MTHFD2L: variants seen among roughly 807,000 people sequenced by gnomAD.
MTHFD2L encodes methylenetetrahydrofolate dehydrogenase (NADP+ dependent) 2 like.
In MTHFD2L, 29 loss-of-function variants were observed where a neutral mutation model predicts 34.9. The observed-to-expected ratio is 0.83, with a 90% confidence interval of 0.62 to 1.13. The LOEUF (loss-of-function observed/expected upper bound fraction) is 1.13. Ranked by LOEUF, MTHFD2L falls within the 50% of genes most tolerant of loss-of-function variation. MTHFD2L has a pLI of 0.00. For synonymous variants in MTHFD2L, 167 were observed against 155.7 expected (o/e 1.07, Z -0.54); for missense variants, 481 against 446.5 (o/e 1.08, Z -0.70).
Position 74,216,614 on chromosome 4 carries a change from G to A in MTHFD2L, c.713-8688G>A, listed in dbSNP as rs536350247. ...CACTATGCACTTGAGAACTCCAGTTGCATGTCTAATACCCATCTCAATCTT... is the reference window on the plus strand; with the variant it reads ...CACTATGCACTTGAGAACTCCAGTTACATGTCTAATACCCATCTCAATCTT... On this transcript the variant is annotated intron_variant, in intron 5 of 7. Transcript: ENST00000325278. Among the ~76,000 whole-genome samples the A allele has an allele frequency of 2.8e-4, 43 of 151,762 alleles. No homozygotes were observed. The South Asian group carries it at 5.4e-3, about 19-fold the overall frequency.
intron 1 of MTHFD2L, among the ~76,000 whole-genome samples, chr4:74,127,467 T>C (rs1038359971): frequency 5.9e-5 from 9 of 152,180 alleles, no homozygotes; most frequent in African/African-American, 1.9e-4. Flanking sequence ...TATCTACTTT[T>C]GTGTCTCCCA....
intron 5 of MTHFD2L, among the ~76,000 whole-genome samples, chr4:74,210,602 G>T (rs183035988): frequency 2.6e-5 from 4 of 152,262 alleles, no homozygotes; most frequent in Admixed American, 2.0e-4. Flanking sequence ...TGGCCTTGTA[G>T]TATAGTTTGA....
At chr4:74,196,131 A>G (rs1733426436) in intron 3 of MTHFD2L, among the ~76,000 whole-genome samples, 1 of 152,214 alleles carries the variant, frequency 6.6e-6, no homozygotes, top group South Asian at 2.1e-4. Flanking sequence ...AGATAATTAA[A>G]CAACTAATAT....
At chr4:74,146,040 T>C (rs1459540918) in intron 1 of MTHFD2L, among the ~76,000 whole-genome samples, 1 of 152,110 alleles carries the variant, frequency 6.6e-6, no homozygotes, top group African/African-American at 2.4e-5. Flanking sequence ...CACAAACCCA[T>C]TGAAAAAGAC....
intron 7 of MTHFD2L, among the ~76,000 whole-genome samples, chr4:74,290,535 A>G (rs1412236332): frequency 6.6e-6 from 1 of 152,154 alleles, no homozygotes; most frequent in Non-Finnish European, 1.5e-5. Context: ...AGATTGTGAT[A>G]ATAATTTCCA....
chr4:74,167,115 C>A (rs1726883493), intron 1 of MTHFD2L, among the ~76,000 whole-genome samples: 1 of 152,208 alleles, frequency 6.6e-6, no homozygotes, highest in East Asian at 1.9e-4. Context: ...ACCCAGTTGA[C>A]AGCCCACCCC....
chr4:74,147,426 T>C (rs978139900), intron 1 of MTHFD2L, among the ~76,000 whole-genome samples: 3 of 152,182 alleles, frequency 2.0e-5, no homozygotes, highest in African/African-American at 7.2e-5. Context: ...GTGAAGAATC[T>C]TCTACAGCTT....
chr4:74,220,668 T>G (rs1244347565), intron 5 of MTHFD2L, among the ~76,000 whole-genome samples: 2 of 151,830 alleles, frequency 1.3e-5, no homozygotes, highest in African/African-American at 4.8e-5. Flanking sequence ...ATGCTTATTT[T>G]AAGTATTTTA....
At chr4:74,266,607 A>T (rs1390402150) in intron 6 of MTHFD2L, among the ~76,000 whole-genome samples, 1 of 152,144 alleles carries the variant, frequency 6.6e-6, no homozygotes, top group Non-Finnish European at 1.5e-5. Context: ...GGAACCTCTG[A>T]AGTCTAAGCT....
At chr4:74,121,027 A>G (rs1050028158), upstream of MTHFD2L, among the ~76,000 whole-genome samples, 1 of 152,242 alleles carries the variant, frequency 6.6e-6, no homozygotes, top group African/African-American at 2.4e-5. Context: ...TGGGGGCAAC[A>G]AGTGAACAGT....
intron 1 of MTHFD2L, among the ~76,000 whole-genome samples, chr4:74,167,262 C>T (rs1429041901): frequency 6.6e-6 from 1 of 152,192 alleles, no homozygotes; most frequent in African/African-American, 2.4e-5. Flanking sequence ...GATGGCCCAT[C>T]AAGAATCTCT....
intron 6 of MTHFD2L, among the ~76,000 whole-genome samples, chr4:74,231,945 G>A (rs1740131946): frequency 6.6e-6 from 1 of 152,132 alleles, no homozygotes; most frequent in Non-Finnish European, 1.5e-5. Context: ...GTGTAATCAA[G>A]CTAGCCAATC....
intron 6 of MTHFD2L, among the ~76,000 whole-genome samples, chr4:74,255,302 A>G (rs1743888868): frequency 6.6e-6 from 1 of 152,114 alleles, no homozygotes; most frequent in Non-Finnish European, 1.5e-5. Context: ...TACAGTTGTA[A>G]CTGTAAGATA....
intron 6 of MTHFD2L, among the ~76,000 whole-genome samples, chr4:74,256,311 A>G (rs1315385955): frequency 6.6e-6 from 1 of 151,776 alleles, no homozygotes; most frequent in Non-Finnish European, 1.5e-5. Context: ...GGGTTTCATC[A>G]TGTTGGCCAG....
At chr4:74,148,579 G>A (rs1022713179) in intron 1 of MTHFD2L, among the ~76,000 whole-genome samples, 1 of 151,766 alleles carries the variant, frequency 6.6e-6, no homozygotes, top group South Asian at 2.1e-4. Flanking sequence ...GTAGAGATAG[G>A]GTTTGAAATT....
chr4:74,170,828 G>A (rs950427164), intron 1 of MTHFD2L, among the ~76,000 whole-genome samples: 1 of 151,888 alleles, frequency 6.6e-6, no homozygotes, highest in Non-Finnish European at 1.5e-5. Context: ...GTCCTTTGTA[G>A]GGACATGGAT....
At chr4:74,248,150 A>G (rs955147453) in intron 6 of MTHFD2L, among the ~76,000 whole-genome samples, 26 of 151,650 alleles carry the variant, frequency 1.7e-4, no homozygotes, top group African/African-American at 6.3e-4. Flanking sequence ...TATTGCCACA[A>G]TTTCAGAGCC....
chr4:74,143,378 A>C, intron 1 of MTHFD2L: 1 of 982,796 alleles, frequency 1.0e-6, no homozygotes, highest in African/African-American at 1.7e-5. Context: ...TTGTGACCTT[A>C]TTCTTTTTGT....
chr4:74,226,537 G>A (rs1234974603), intron 6 of MTHFD2L, among the ~76,000 whole-genome samples: 1 of 152,128 alleles, frequency 6.6e-6, no homozygotes, highest in African/African-American at 2.4e-5. Flanking sequence ...TACAGGGTAA[G>A]TTAACAAGAA....
Sources: gnomAD v4.1 joint callset for allele counts (sites outside exome capture counted in the v4.1 genomes callset) on GRCh38, gnomAD v4.1.1 for gene constraint, MANE v1.5 for transcripts, NCBI Gene and HGNC (gene_info 2026-07-23, HGNC 2026-07-21) for gene names.